Variants in HNMT observed in about 807,000 individuals in gnomAD.
HNMT encodes histamine N-methyltransferase.
Under a neutral mutation model 32.1 loss-of-function variants are expected in HNMT, and 30 were observed. The observed-to-expected ratio is 0.93, with a 90% CI of 0.70 to 1.27. HNMT has a LOEUF of 1.27. Among genes scored for constraint, HNMT ranks in the 50% most tolerant of loss-of-function variants. The probability of loss-of-function intolerance (pLI) is 0.00; values close to 1 mark genes in which losing one functional copy is unlikely to be tolerated. For missense variants in HNMT, 327 were observed against 346.0 expected (o/e 0.95, Z 0.43); for synonymous variants, 125 against 119.0 (o/e 1.05, Z -0.33).
intron 5 of HNMT, among the ~76,000 whole-genome samples, chr2:138,007,162 A>T (rs1330021855): frequency 6.6e-6 from 1 of 151,992 alleles, no homozygotes; most frequent in Non-Finnish European, 1.5e-5. Context: ...AGAGATTTAC[A>T]CAGCTATAGC....
chr2:137,985,683 GA>G (rs1399689874), intron 2 of HNMT, among the ~76,000 whole-genome samples: 1 of 152,120 alleles, frequency 6.6e-6, no homozygotes, highest in East Asian at 1.9e-4. Context: ...CACTTGCCCA[GA>G]ACAGACAGTC....
At chr2:137,997,684 A>G (rs1030439566) in intron 2 of HNMT, among the ~76,000 whole-genome samples, 2 of 152,220 alleles carry the variant, frequency 1.3e-5, no homozygotes, top group African/African-American at 4.8e-5. Flanking sequence ...TATATACCCA[A>G]AGGAATATAA....
Position 137,985,121 on chromosome 2 carries a change from C to T in HNMT, c.190+14904C>T, listed in dbSNP as rs905451441. Among the ~76,000 whole-genome samples the T allele has an allele frequency of 4.6e-5, 7 of 151,898 alleles. No individual in the cohort carries two copies. The East Asian group carries it at 7.8e-4, about 17-fold the overall frequency. Reference sequence around the variant, plus strand: ...GATAGAAGAGACATGACACGTAAGACTCTCAGCTTCTCACTATCTGCCTAA... The same window carrying T: ...GATAGAAGAGACATGACACGTAAGATTCTCAGCTTCTCACTATCTGCCTAA... On this transcript the variant is annotated intron_variant, in intron 2 of 5. Transcript: ENST00000280097.
intron 5 of HNMT, among the ~76,000 whole-genome samples, chr2:138,005,896 A>AT (rs1428235633): frequency 2.0e-5 from 3 of 150,682 alleles, no homozygotes; most frequent in African/African-American, 7.3e-5. Context: ...ATCTTTATGG[A>AT]TTTTCTACCA....
At chr2:137,996,412 C>T (rs1170712548) in intron 2 of HNMT, among the ~76,000 whole-genome samples, 1 of 152,142 alleles carries the variant, frequency 6.6e-6, no homozygotes. Context: ...GAATAAACTC[C>T]AAATCACAGT....
chr2:138,001,529 A>G, intron 3 of HNMT, among the ~76,000 whole-genome samples: 1 of 152,220 alleles, frequency 6.6e-6, no homozygotes, highest in East Asian at 1.9e-4. Context: ...ATTTGTAAAC[A>G]CTAAAATTTG....
At chr2:137,981,254 A>G (rs748914382) in intron 2 of HNMT, 3 of 1,613,006 alleles carry the variant, frequency 1.9e-6, no homozygotes, top group East Asian at 4.5e-5. Flanking sequence ...TCTCAAGCGG[A>G]ATTCGTGTTT....
intron 2 of HNMT, among the ~76,000 whole-genome samples, chr2:138,000,046 T>C (rs1167903134): frequency 1.3e-5 from 2 of 152,178 alleles, no homozygotes; most frequent in Admixed American, 6.6e-5. Context: ...CACTAACCCT[T>C]ACAGGCTGAA....
chr2:137,968,189 T>C (rs1457050594), intron 1 of HNMT, among the ~76,000 whole-genome samples: 1 of 152,212 alleles, frequency 6.6e-6, no homozygotes, highest in Non-Finnish European at 1.5e-5. Context: ...GGAAAAATTA[T>C]AGTAAATAAC....
At chr2:137,982,789 A>C (rs945968680) in intron 2 of HNMT, among the ~76,000 whole-genome samples, 1 of 152,254 alleles carries the variant, frequency 6.6e-6, no homozygotes, top group African/African-American at 2.4e-5. Flanking sequence ...CTGTAATAAC[A>C]TAAACTGCCT....
chr2:138,003,721 T>C (rs1458417591), intron 4 of HNMT, among the ~76,000 whole-genome samples: 1 of 152,028 alleles, frequency 6.6e-6, no homozygotes, highest in African/African-American at 2.4e-5. Flanking sequence ...ATAGAGAAAA[T>C]AGAAACTGCC....
At chr2:137,994,760 A>G (rs1175126648) in intron 2 of HNMT, among the ~76,000 whole-genome samples, 1 of 152,360 alleles carries the variant, frequency 6.6e-6, no homozygotes, top group East Asian at 1.9e-4. Context: ...AATCTACGAC[A>G]TAATTGGAAA....
intron 2 of HNMT, among the ~76,000 whole-genome samples, chr2:137,983,873 G>A (rs1010932341): frequency 8.5e-5 from 13 of 152,176 alleles, no homozygotes; most frequent in African/African-American, 3.1e-4. Context: ...TAGGAGGATA[G>A]GGAAAATTTT....
chr2:137,967,001 C>T, intron 1 of HNMT: 1 of 747,128 alleles, frequency 1.3e-6, no homozygotes, highest in Non-Finnish European at 2.5e-6. Context: ...TTAAAAATCC[C>T]TTGGTTCTAT....
intron 2 of HNMT, among the ~76,000 whole-genome samples, chr2:137,998,310 T>C (rs576364523): frequency 6.6e-6 from 1 of 152,238 alleles, no homozygotes; most frequent in East Asian, 1.9e-4. Flanking sequence ...TATTAGTAAA[T>C]TTATGAAATG....
At chr2:137,973,986 A>G (rs1039130798) in intron 2 of HNMT, among the ~76,000 whole-genome samples, 4 of 152,068 alleles carry the variant, frequency 2.6e-5, no homozygotes, top group African/African-American at 9.7e-5. Context: ...GAAGTTCAAA[A>G]GAAAGGTAGA....
chr2:137,983,843 C>A (rs965652172), intron 2 of HNMT, among the ~76,000 whole-genome samples: 4 of 152,200 alleles, frequency 2.6e-5, no homozygotes, highest in African/African-American at 9.6e-5. Flanking sequence ...GAATTTATAA[C>A]CTGCCCTTAG....
rs180720496 is a variant in HNMT at position 137,974,789 on chromosome 2, T to C, written c.190+4572T>C. Among the ~76,000 whole-genome samples the C allele has an allele frequency of 1.4e-3, 211 of 152,326 alleles. 1 individual carries two copies. Among genetic ancestry groups the C allele is most frequent in the African/African-American group, 4.8e-3 (200 of 41,576 alleles). ...CTATACCAATAATTGTATATACATT[T>C]ATAGATAAATTTTTTAACCCACTCA... On this transcript the variant is annotated intron_variant, in intron 2 of 5. Coordinates refer to ENST00000280097, the MANE Select transcript of HNMT (RefSeq NM_006895.3).
At chr2:138,007,188 A>G (rs1681353699) in intron 5 of HNMT, among the ~76,000 whole-genome samples, 1 of 152,018 alleles carries the variant, frequency 6.6e-6, no homozygotes, top group Non-Finnish European at 1.5e-5. Context: ...ATTTCTTCCT[A>G]AAAGAAAAAC....
Sources: gnomAD v4.1 joint callset for allele counts (sites outside exome capture counted in the v4.1 genomes callset) on GRCh38, gnomAD v4.1.1 for gene constraint, MANE v1.5 for transcripts, NCBI Gene and HGNC (gene_info 2026-07-23, HGNC 2026-07-21) for gene names.